Variants in VIT observed in about 807,000 individuals in gnomAD.
VIT encodes the protein vitrin.
Under a neutral mutation model 78.0 loss-of-function variants are expected in VIT, and 99 were observed. The observed-to-expected ratio is 1.27, with a 90% confidence interval of 1.08 to 1.50. The LOEUF is 1.50. Among genes scored for constraint, VIT ranks in the 40% most tolerant of loss-of-function variants. The pLI, the probability that VIT is intolerant of heterozygous loss-of-function variation, is 0.00. For synonymous variants in VIT, 374 were observed against 334.3 expected, an observed-to-expected ratio of 1.12 and a Z score of -1.29; for missense variants, 1,126 against 875.3, an observed-to-expected ratio of 1.29 and a Z score of -3.61.
chr2:36,715,494 C>T (rs1285936560), intron 1 of VIT, among the ~76,000 whole-genome samples: 1 of 151,634 alleles, frequency 6.6e-6, no homozygotes, highest in African/African-American at 2.4e-5. Flanking sequence ...CGAGATCACA[C>T]CACTGTACTC....
chr2:36,770,318 G>A (rs1341533471), intron 7 of VIT, among the ~76,000 whole-genome samples: 1 of 152,204 alleles, frequency 6.6e-6, no homozygotes, highest in Non-Finnish European at 1.5e-5. Flanking sequence ...TGAGTCATTT[G>A]TACTCCACAA....
chr2:36,780,348 T>C (rs1331619608), intron 9 of VIT, among the ~76,000 whole-genome samples: 1 of 152,144 alleles, frequency 6.6e-6, no homozygotes, highest in African/African-American at 2.4e-5. Flanking sequence ...AAGCAAGCCT[T>C]GGGCAAAAAG....
intron 4 of VIT, among the ~76,000 whole-genome samples, chr2:36,751,053 A>T (rs1668429800): frequency 6.6e-6 from 1 of 152,196 alleles, no homozygotes; most frequent in East Asian, 1.9e-4. Flanking sequence ...CGAGGTCAGG[A>T]GTTCAAGACC....
intron 6 of VIT, among the ~76,000 whole-genome samples, chr2:36,760,213 T>C (rs1285994709): frequency 6.6e-6 from 1 of 152,096 alleles, no homozygotes; most frequent in Admixed American, 6.5e-5. Flanking sequence ...CAGGATGGTC[T>C]CGATCTCTTG....
chr2:36,715,015 C>A (rs1276789277), intron 1 of VIT, among the ~76,000 whole-genome samples: 2 of 152,160 alleles, frequency 1.3e-5, no homozygotes, highest in Non-Finnish European at 2.9e-5. Context: ...GCACTGTTCC[C>A]CCACTTGGAG....
intron 1 of VIT, among the ~76,000 whole-genome samples, chr2:36,708,119 C>CA (rs952469819): frequency 6.7e-6 from 1 of 149,430 alleles, no homozygotes; most frequent in African/African-American, 2.4e-5. Flanking sequence ...CTCCCCCCCC[C>CA]GCCCACCTAG....
intron 12 of VIT, among the ~76,000 whole-genome samples, chr2:36,796,713 T>C (rs1346492270): frequency 6.6e-6 from 1 of 152,158 alleles, no homozygotes; most frequent in Admixed American, 6.5e-5. Flanking sequence ...AGGATCCTCC[T>C]GTCTTGGCCT....
At chr2:36,702,350 A>G (rs1160486737) in intron 1 of VIT, among the ~76,000 whole-genome samples, 1 of 151,994 alleles carries the variant, frequency 6.6e-6, no homozygotes, top group Non-Finnish European at 1.5e-5. Flanking sequence ...CTCACACACT[A>G]GGGGGCAGTT....
At chr2:36,699,639 T>TAGAC (rs1558495831) in intron 1 of VIT, among the ~76,000 whole-genome samples, 1 of 150,818 alleles carries the variant, frequency 6.6e-6, no homozygotes, top group Admixed American at 6.6e-5. Flanking sequence ...GATAGATAGA[T>TAGAC]AGATAGATAG....
At chr2:36,720,378 C>T in intron 2 of VIT, among the ~76,000 whole-genome samples, 1 of 152,018 alleles carries the variant, frequency 6.6e-6, no homozygotes, top group East Asian at 1.9e-4. Flanking sequence ...GTGACAAGAA[C>T]ACACAATGGG....
At chr2:36,716,171 T>C (rs1203515605) in intron 1 of VIT, among the ~76,000 whole-genome samples, 182 bp from the exon 2 acceptor site, 1 of 152,188 alleles carries the variant, frequency 6.6e-6, no homozygotes, top group African/African-American at 2.4e-5. Flanking sequence ...GAATAGCATC[T>C]CTGGGTACCA....
chr2:36,762,133 ACTAT>A (rs1669162278), intron 6 of VIT, among the ~76,000 whole-genome samples: 1 of 152,146 alleles, frequency 6.6e-6, no homozygotes. Context: ...AATTTCTAAA[ACTAT>A]CTATTTACCC....
Position 36,801,340 on chromosome 2 carries a change from G to C in VIT, c.1098G>C (p.Thr366=). The part of the protein sequence containing the change: ...PATHFNLKTH[T]NSRDLKTAIE... ...CTCACTTTAACCTCAAGACACACAC[G>C]AATTCTCGAGATCTGAAGACAGCCA... is the stretch of plus-strand genomic sequence containing the variant. The change falls in exon 13 of 16, where the codon ACG becomes ACC. Residue 366 remains threonine, a synonymous_variant. Coordinates refer to ENST00000379242, the MANE Select transcript of VIT (RefSeq NM_053276.4). 3.1e-6 allele frequency: 5 copies of C among 1,614,068 alleles called. No individual in the cohort carries two copies. Among genetic ancestry groups the C allele is most frequent in the Non-Finnish European group, 4.2e-6 (5 of 1,180,028 alleles).
chr2:36,775,937 C>G (rs1245471937), intron 9 of VIT, among the ~76,000 whole-genome samples: 1 of 152,218 alleles, frequency 6.6e-6, no homozygotes, highest in African/African-American at 2.4e-5. Context: ...CTTCGACCAA[C>G]TCTCATCTCA....
intron 15 of VIT, among the ~76,000 whole-genome samples, chr2:36,812,148 G>A (rs1263048514): frequency 1.3e-5 from 2 of 152,162 alleles, no homozygotes; most frequent in Admixed American, 1.3e-4. Flanking sequence ...TCTAGACAAT[G>A]TTCCGAGAAA....
chr2:36,807,535 T>C (rs748518184), intron 14 of VIT, among the ~76,000 whole-genome samples: 7 of 152,238 alleles, frequency 4.6e-5, no homozygotes, highest in Admixed American at 1.3e-4. Context: ...AAATCAATTT[T>C]TGAAAAATAT....
At chr2:36,729,234 C>T (rs536672793) in intron 2 of VIT, among the ~76,000 whole-genome samples, 192 bp from the exon 3 acceptor site, 2 of 152,190 alleles carry the variant, frequency 1.3e-5, no homozygotes, top group East Asian at 1.9e-4. Context: ...AATATCGGCA[C>T]AATGATGAAA....
At chr2:36,748,779 G>A (rs536033442) in intron 4 of VIT, among the ~76,000 whole-genome samples, 1 of 152,316 alleles carries the variant, frequency 6.6e-6, no homozygotes, top group East Asian at 1.9e-4. Context: ...CTTCGTGCAA[G>A]GTTGCTAGCT....
chr2:36,772,265 C>T (rs976670973), intron 7 of VIT, among the ~76,000 whole-genome samples: 29 of 151,766 alleles, frequency 1.9e-4, no homozygotes, highest in African/African-American at 7.0e-4. Flanking sequence ...AAAAAACTTC[C>T]GTGGCTCACG....
Sources: gnomAD v4.1 joint callset for allele counts (sites outside exome capture counted in the v4.1 genomes callset) on GRCh38, gnomAD v4.1.1 for gene constraint, MANE v1.5 for transcripts, NCBI Gene and HGNC (gene_info 2026-07-23, HGNC 2026-07-21) for gene names.